The following EIF4G3 variants were observed in gnomAD, a reference collection of about 807,000 sequenced individuals.
EIF4G3 encodes the protein eukaryotic translation initiation factor 4 gamma 3.
EIF4G3 carries 34 observed loss-of-function variants against 186.4 expected under a neutral mutation model. The observed-to-expected ratio is 0.18, with a 90% CI of 0.14 to 0.24. The LOEUF is 0.24. EIF4G3 is among the 10% of genes least tolerant of loss of function. The pLI is 1.00. For missense variants in EIF4G3, 1,536 were observed against 1,948.5 expected, an observed-to-expected ratio of 0.79 and a Z score of 3.99; for synonymous variants, 673 against 679.5, an observed-to-expected ratio of 0.99 and a Z score of 0.15.
In EIF4G3 at chr1:20,823,449, G is replaced by A. The variant is rs961998097; in HGVS notation, c.4368+1651C>T. Among the ~76,000 whole-genome samples, 7 of 151,836 alleles carry A rather than the reference G, an allele frequency of 4.6e-5. No individual in the cohort carries two copies. In the South Asian group the frequency reaches 1.0e-3, roughly 23 times the overall value. The stretch of plus-strand genomic sequence containing the variant: ...CAGGTTGGAGTGCAGTGGTGTGATC[G>A]TATCTCACTGCAGCCTTAAACTCCC... On this transcript the variant is annotated intron_variant, in intron 33 of 36. Transcript: ENST00000602326.
At chr1:21,114,322 T>A (rs2096779759) in intron 2 of EIF4G3, among the ~76,000 whole-genome samples, 1 of 152,092 alleles carries the variant, frequency 6.6e-6, no homozygotes, top group Non-Finnish European at 1.5e-5. Flanking sequence ...ACTCTTTGTA[T>A]TTTTAGTAGA....
chr1:20,999,734 T>C (rs1363912161), intron 6 of EIF4G3: 1 of 454,462 alleles, frequency 2.2e-6, no homozygotes, highest in South Asian at 1.6e-5. Flanking sequence ...GGCTATTGAG[T>C]TTTTCATTTG....
At chr1:21,102,756 T>C (rs1266965648) in intron 2 of EIF4G3, among the ~76,000 whole-genome samples, 1 of 152,214 alleles carries the variant, frequency 6.6e-6, no homozygotes, top group Non-Finnish European at 1.5e-5. Context: ...CAATTTCTGA[T>C]ATGCCAATAG....
At chr1:20,887,659 A>G (rs890867446) in intron 18 of EIF4G3, among the ~76,000 whole-genome samples, 1 of 152,090 alleles carries the variant, frequency 6.6e-6, no homozygotes, top group African/African-American at 2.4e-5. Flanking sequence ...ATTAAAAAAA[A>G]AAAACAAACA....
At chr1:20,808,591 G>T (rs754532455) in intron 36 of EIF4G3, among the ~76,000 whole-genome samples, 2 of 152,144 alleles carry the variant, frequency 1.3e-5, no homozygotes, top group Non-Finnish European at 2.9e-5. Context: ...TGAGACAGGA[G>T]AATGGCGTGA....
chr1:20,825,235 A>T, intron 32 of EIF4G3, 37 bp from the exon 33 acceptor site: 6 of 833,632 alleles, frequency 7.2e-6, no homozygotes, highest in South Asian at 1.7e-5. Flanking sequence ...TTACTTTCAC[A>T]GTGGAAGAAG....
At position 21,090,683 on chromosome 1, in the gene EIF4G3, T is replaced by A. The variant is rs77941015; in HGVS notation, c.-271-1470A>T. ...GTCTTTCAGTCTGCCAAAACACTAA[T>A]GTTCCATTTATAATTCCCAGCTGAA... On this transcript the variant is annotated intron_variant, in intron 2 of 36. Transcript: ENST00000602326. Among the ~76,000 whole-genome samples, 629 of 152,328 alleles carry A rather than the reference T, an allele frequency of 4.1e-3. 9 individuals are homozygous for A. The highest frequency in any genetic ancestry group is 0.023 in the East Asian group (121 of 5,186).
At chr1:20,849,136 G>A (rs1398063316) in intron 29 of EIF4G3, among the ~76,000 whole-genome samples, 1 of 138,554 alleles carries the variant, frequency 7.2e-6, no homozygotes, top group East Asian at 2.3e-4. Context: ...TGTTGTTTTT[G>A]TTCCTTAATA....
At chr1:21,063,337 AAGTT>A (rs1186067864) in intron 3 of EIF4G3, among the ~76,000 whole-genome samples, 1 of 152,180 alleles carries the variant, frequency 6.6e-6, no homozygotes, top group Non-Finnish European at 1.5e-5. Context: ...TTCAGATCAA[AAGTT>A]AGAGGCAGTA....
intron 2 of EIF4G3, among the ~76,000 whole-genome samples, chr1:21,128,026 A>T (rs1332538191): frequency 6.6e-6 from 1 of 151,534 alleles, no homozygotes; most frequent in Non-Finnish European, 1.5e-5. Context: ...AACACGGTGA[A>T]ACCCCATCTC....
chr1:21,081,204 G>A (rs536985066), intron 3 of EIF4G3, among the ~76,000 whole-genome samples: 10 of 152,100 alleles, frequency 6.6e-5, no homozygotes, highest in Admixed American at 1.3e-4. Context: ...AGGCCGAGGC[G>A]GGTGGATCAC....
At chr1:20,832,436 A>G (rs61781073) in intron 30 of EIF4G3, among the ~76,000 whole-genome samples, 42,609 of 48,866 alleles carry the variant, frequency 0.87, 19,132 homozygotes, top group Middle Eastern at 1. Context: ...CATGTCCTTC[A>G]CCCACTTTTT....
At position 21,170,957 on chromosome 1, in the gene EIF4G3, G is replaced by A. The variant is rs1277265170; in HGVS notation, c.-272+5218C>T. Among the ~76,000 whole-genome samples, 5 of 151,624 alleles carry A rather than the reference G, an allele frequency of 3.3e-5. No individual in the cohort carries two copies. The South Asian group carries it at 6.2e-4, about 19-fold the overall frequency. ...GAGCCAAGATCACACTCCAGCCTGGGTGACAGAGCAAGTCCCTGTCTAAAA... is the reference window on the plus strand; with the variant it reads ...GAGCCAAGATCACACTCCAGCCTGGATGACAGAGCAAGTCCCTGTCTAAAA... On this transcript the variant is annotated intron_variant, in intron 2 of 36. Coordinates refer to ENST00000602326, the MANE Select transcript of EIF4G3 (RefSeq NM_001391906.1).
intron 4 of EIF4G3, among the ~76,000 whole-genome samples, chr1:21,016,115 A>G (rs767289394): frequency 2.0e-5 from 3 of 152,232 alleles, no homozygotes; most frequent in Non-Finnish European, 4.4e-5. Flanking sequence ...CACACACTAT[A>G]TAAAGATGCG....
At chr1:21,039,988 TC>T (rs1364269847) in intron 4 of EIF4G3, among the ~76,000 whole-genome samples, 4 of 152,250 alleles carry the variant, frequency 2.6e-5, no homozygotes, top group African/African-American at 9.6e-5. Flanking sequence ...ATGTAAAGTT[TC>T]TGACACCACC....
chr1:21,098,329 T>C (rs2096428890), intron 2 of EIF4G3, among the ~76,000 whole-genome samples: 1 of 151,592 alleles, frequency 6.6e-6, no homozygotes, highest in Non-Finnish European at 1.5e-5. Flanking sequence ...ACTGCTTGAG[T>C]CCAGGAGTTC....
chr1:21,007,706 T>C (rs2085675008), intron 4 of EIF4G3, among the ~76,000 whole-genome samples: 1 of 151,778 alleles, frequency 6.6e-6, no homozygotes, highest in Non-Finnish European at 1.5e-5. Flanking sequence ...AAGCAAATTG[T>C]AGAATTTTTA....
intron 14 of EIF4G3, among the ~76,000 whole-genome samples, chr1:20,925,810 G>A (rs145425827): frequency 3.3e-5 from 5 of 152,302 alleles, no homozygotes; most frequent in East Asian, 1.9e-4. Flanking sequence ...GGGATTATAC[G>A]TGTGAGCCAC....
intron 2 of EIF4G3, among the ~76,000 whole-genome samples, chr1:21,123,168 C>G (rs2096957725): frequency 6.6e-6 from 1 of 152,092 alleles, no homozygotes; most frequent in Admixed American, 6.6e-5. Flanking sequence ...CTGCCCTAGT[C>G]CACAATGACT....
Sources: allele counts gnomAD v4.1 joint callset (sites outside exome capture counted in the v4.1 genomes callset), GRCh38; gene constraint gnomAD v4.1.1; transcripts MANE v1.5; gene names NCBI Gene and HGNC (gene_info 2026-07-23, HGNC 2026-07-21).